The following TFR2 variants were observed in gnomAD, a reference collection of about 807,000 sequenced individuals.
TFR2 encodes the protein transferrin receptor protein 2.
Under a neutral mutation model 91.9 loss-of-function variants are expected in TFR2, and 64 were observed. The observed-to-expected ratio is 0.70, with a 90% CI of 0.57 to 0.86. The LOEUF (loss-of-function observed/expected upper bound fraction) is 0.86, where lower values mean the gene tolerates loss of function less well. Ranked by LOEUF, TFR2 falls within the 40% of genes least tolerant of loss-of-function variation. The pLI, the probability that TFR2 is intolerant of heterozygous loss-of-function variation, is 0.00. For synonymous variants in TFR2, 454 were observed against 459.6 expected (o/e 0.99, Z 0.15); for missense variants, 950 against 1,080.5 (o/e 0.88, Z 1.69).
At position 100,632,516 on chromosome 7, in the gene TFR2, T is replaced by TCCTC. The variant is rs755505101; in HGVS notation, c.850-322_850-319dup. On this transcript the variant is annotated intron_variant, in intron 6 of 17. Transcript: ENST00000223051. Reference sequence around the variant, plus strand: ...CCAGCCAACATTTTCCTTCCTTCCTTCCTCCCTCCCTCCCTCCCTTCTCTG... The same window carrying TCCTC: ...CCAGCCAACATTTTCCTTCCTTCCTTCCTCCCTCCCTCCCTCCCTCCCTTCTCTG... Among the ~76,000 whole-genome samples, 128 of 150,094 alleles carry TCCTC rather than the reference T, an allele frequency of 8.5e-4. 2 individuals carry two copies. Among genetic ancestry groups the TCCTC allele is most frequent in the South Asian group, 4.4e-3 (21 of 4,758 alleles).
chr7:100,641,140 C>T lies in TFR2; in HGVS notation c.122G>A (p.Gly41Glu), dbSNP rs759439794. Reference protein sequence around the residue: ...KGHLEEEEEDGEEGAETLAHF... With the variant: ...KGHLEEEEEDEEEGAETLAHF... ...GGCCAATGTCTCCGCCCCCTCCTCC[C>T]CGTCTTCCTCTTCCTCCTCCAGGTG... Residue 41 changes from glycine (G) to glutamate (E), a missense_variant, in exon 2 of 18, where the codon GGG (glycine) becomes GAG (glutamate). Physicochemically the swap from Gly to Glu is moderately conservative, Grantham distance 98. Coordinates refer to ENST00000223051, the MANE Select transcript of TFR2 (RefSeq NM_003227.4). The T allele has an allele frequency of 6.4e-6, 10 of 1,551,428 alleles. No homozygotes were observed. In the Admixed American group the frequency reaches 1.2e-4, roughly 19 times the overall value.
At chr7:100,641,277 G>A in intron 1 of TFR2, 49 bp from the exon 2 acceptor site, 1 of 1,528,500 alleles carries the variant, frequency 6.5e-7, no homozygotes, top group East Asian at 2.5e-5. Context: ...CCTGGGGGGT[G>A]GGGAGGCATC....
At chr7:100,624,370 C>G (rs1443903571) in intron 17 of TFR2, among the ~76,000 whole-genome samples, 3 of 152,188 alleles carry the variant, frequency 2.0e-5, no homozygotes, top group African/African-American at 7.2e-5. Context: ...TTGCATCAAT[C>G]CACATCCTGC....
At chr7:100,630,849 C>G (rs762643498) in intron 9 of TFR2, 40 bp downstream of exon 9, 3 of 1,611,314 alleles carry the variant, frequency 1.9e-6, no homozygotes, top group African/African-American at 2.7e-5. Context: ...ATTCCCCCAG[C>G]CCACCACCAG....
chr7:100,632,733 A>AAG, intron 6 of TFR2: 1 of 312,288 alleles, frequency 3.2e-6, no homozygotes, highest in Non-Finnish European at 5.9e-6. Context: ...AAAAAAAAAA[A>AAG]GAACCTTTTT....
Position 100,631,882 on chromosome 7 carries a change from G to A in TFR2, c.1030C>T (p.Pro344Ser). ...GFPSFNQTQF[P>S]PVASSGLPSI... ...GGAAGGCCTGATGATGCAACTGGAG[G>A]GAACTGGGTTTGATTGAAGGAAGGG... is the stretch of plus-strand genomic sequence containing the variant. Residue 344 changes from proline to serine, a missense_variant, in exon 8 of 18, where the codon CCT (proline) becomes TCT (serine). Transcript: ENST00000223051. 6.2e-7 allele frequency: 1 copy of A among 1,614,038 alleles called. No homozygotes were observed. The highest frequency in any genetic ancestry group is 8.5e-7 in the Non-Finnish European group (1 of 1,180,000).
At chr7:100,635,148 T>G (rs1803551212) in intron 3 of TFR2, among the ~76,000 whole-genome samples, 1 of 151,764 alleles carries the variant, frequency 6.6e-6, no homozygotes, top group African/African-American at 2.4e-5. Flanking sequence ...GCATGTCGGC[T>G]AGGCTGGTCT....
chr7:100,623,492 T>C (rs529794437), intron 17 of TFR2, among the ~76,000 whole-genome samples: 2 of 151,274 alleles, frequency 1.3e-5, no homozygotes, highest in South Asian at 4.2e-4. Flanking sequence ...AAACTCTACT[T>C]TGTTGTCCAG....
intron 16 of TFR2, 42 bp downstream of exon 16, chr7:100,627,222 C>T (rs1272296690): frequency 1.3e-6 from 2 of 1,533,974 alleles, no homozygotes; most frequent in African/African-American, 2.8e-5. Flanking sequence ...TGGGCAGTGC[C>T]TCCCACTCCC....
intron 17 of TFR2, among the ~76,000 whole-genome samples, chr7:100,621,776 G>A (rs1803119593): frequency 1.3e-5 from 2 of 152,142 alleles, no homozygotes; most frequent in South Asian, 4.1e-4. Context: ...GAAAAGCCTG[G>A]CTTTCCTCCC....
In TFR2 at chr7:100,627,258, T is replaced by C; in HGVS notation, c.1995+6A>G. The C allele has an allele frequency of 6.5e-7, 1 of 1,549,044 alleles. No homozygotes were observed. The highest frequency in any genetic ancestry group is 8.7e-7 in the Non-Finnish European group (1 of 1,146,718). On this transcript the variant is annotated splice_donor_region_variant and intron_variant, in intron 16 of 17. Coordinates refer to ENST00000223051, the MANE Select transcript of TFR2 (RefSeq NM_003227.4). ...AGAGACCAAGAGCGGGGTGGGCCTC[T>C]TGAACCTTGAGGTCCCCAGAGAACT...
Position 100,633,240 on chromosome 7 carries a change from C to T in TFR2, c.715G>A (p.Gly239Ser), listed in dbSNP as rs1184133298. 1 of 1,613,802 alleles carries T rather than the reference C, an allele frequency of 6.2e-7. No homozygotes were observed. The change falls in exon 5 of 18, where the codon GGC becomes AGC. Residue 239 changes from glycine to serine, a missense_variant. By Grantham distance (56) the Gly-to-Ser change is moderately conservative. Coordinates refer to ENST00000223051, the MANE Select transcript of TFR2 (RefSeq NM_003227.4). ...CAGGGGGTGCTCACCGTGACGTTGC[C>T]GATGGCGCTGTAGGGGCAGTAGACG... The part of the protein sequence containing the change: ...PDVYCPYSAI[G>S]NVTGELVYAH...
chr7:100,629,360 A>C lies in TFR2; in HGVS notation c.1283T>G (p.Val428Gly), dbSNP rs1194081064. 6.2e-7 allele frequency: 1 copy of C among 1,613,976 alleles called. No homozygotes were observed. Among genetic ancestry groups the C allele is most frequent in the African/African-American group, 1.3e-5 (1 of 75,050 alleles). The change falls in exon 10 of 18, where the codon GTC (valine) becomes GGC (glycine). Residue 428 changes from valine (V) to glycine (G), a missense_variant. Physicochemically the swap from Val to Gly is moderately radical, Grantham distance 109. Coordinates refer to ENST00000223051, the MANE Select transcript of TFR2 (RefSeq NM_003227.4). ...EGRSEPDHYV[V>G]IGAQRDAWGP... Reference sequence around the variant, plus strand: ...CCATGCATCCCTCTGGGCCCCGATGACAACGTAGTGATCTGGGGAGGGGAT... The same window carrying C: ...CCATGCATCCCTCTGGGCCCCGATGCCAACGTAGTGATCTGGGGAGGGGAT...
chr7:100,637,866 T>C (rs1803605322), intron 3 of TFR2, among the ~76,000 whole-genome samples: 1 of 151,186 alleles, frequency 6.6e-6, no homozygotes, highest in African/African-American at 2.4e-5. Context: ...AGTTTCACTC[T>C]TGTTGCCCAG....
rs1282916240 is a variant in TFR2 at position 100,628,262 on chromosome 7, C to T, written c.1435G>A (p.Gly479Ser). The T allele has an allele frequency of 1.2e-6, 2 of 1,614,000 alleles. No homozygotes were observed. Among genetic ancestry groups the T allele is most frequent in the South Asian group, 2.2e-5 (2 of 91,076 alleles). ...RSLLFISWDGGDFGSVGSTEW... is the reference protein window; with the variant it reads ...RSLLFISWDGSDFGSVGSTEW... ...GTGGAGCCCACGCTTCCAAAGTCAC[C>T]ACCGTCCCAGCTGATGAAGAGGAGA... The change falls in exon 11 of 18, where the codon GGT (glycine) becomes AGT (serine). Residue 479 changes from glycine to serine, a missense_variant. Transcript: ENST00000223051.
intron 17 of TFR2, among the ~76,000 whole-genome samples, chr7:100,624,829 G>A (rs1365897810): frequency 6.6e-6 from 1 of 151,468 alleles, no homozygotes; most frequent in Non-Finnish European, 1.5e-5. Context: ...CCCAGATCAT[G>A]CTACTGCACT....
intron 3 of TFR2, among the ~76,000 whole-genome samples, chr7:100,637,390 A>G (rs1803594253): frequency 7.2e-6 from 1 of 138,616 alleles, no homozygotes; most frequent in Non-Finnish European, 1.5e-5. Context: ...CAAGAGTGAA[A>G]CTCTGTCTCA....
intron 16 of TFR2, among the ~76,000 whole-genome samples, 167 bp downstream of exon 16, chr7:100,627,097 G>T (rs958750157): frequency 6.6e-6 from 1 of 152,130 alleles, no homozygotes; most frequent in Non-Finnish European, 1.5e-5. Context: ...TGCCAGGTTG[G>T]GCGATGGCAC....
intron 3 of TFR2, among the ~76,000 whole-genome samples, chr7:100,637,986 T>C (rs1803608906): frequency 1.3e-5 from 2 of 151,244 alleles, no homozygotes; most frequent in Non-Finnish European, 2.9e-5. Context: ...CATGCGCCAC[T>C]ACGCCCGGCT....
Sources: gnomAD v4.1 joint callset for allele counts (sites outside exome capture counted in the v4.1 genomes callset) on GRCh38, gnomAD v4.1.1 for gene constraint, MANE v1.5 for transcripts, NCBI Gene and HGNC (gene_info 2026-07-23, HGNC 2026-07-21) for gene names.